Variants in UNC5D observed in about 807,000 individuals in gnomAD.
The protein encoded by UNC5D is netrin receptor UNC5D.
In UNC5D, 39 loss-of-function variants were observed where a neutral mutation model predicts 105.4. The observed-to-expected ratio is 0.37, with a 90% confidence interval of 0.29 to 0.48. UNC5D has a LOEUF of 0.48. Among genes scored for constraint, UNC5D ranks in the 20% least tolerant of loss-of-function variants. The pLI is 0.98. For synonymous variants in UNC5D, 452 were observed against 450.4 expected (o/e 1.00, Z -0.04); for missense variants, 991 against 1,202.4 (o/e 0.82, Z 2.60).
chr8:35,766,170 T>C (rs1801756701), intron 14 of UNC5D, among the ~76,000 whole-genome samples: 1 of 152,170 alleles, frequency 6.6e-6, no homozygotes, highest in Non-Finnish European at 1.5e-5. Flanking sequence ...GGGGACTGAA[T>C]CTGTTCTTGT....
chr8:35,555,834 CAA>C (rs201702783), intron 2 of UNC5D, among the ~76,000 whole-genome samples: 2 of 107,952 alleles, frequency 1.9e-5, no homozygotes, highest in African/African-American at 3.0e-5. Flanking sequence ...CAAAAAAATA[CAA>C]AAAAAAAAAG....
In UNC5D at chr8:35,449,565, A is replaced by G. The variant is rs540644677; in HGVS notation, c.104-99727A>G. Among the ~76,000 whole-genome samples, 16 of 152,260 alleles carry G rather than the reference A, an allele frequency of 1.1e-4. 2 individuals are homozygous for G. In the South Asian group the frequency reaches 3.1e-3, roughly 30 times the overall value. On this transcript the variant is annotated intron_variant, in intron 1 of 16. Transcript: ENST00000404895. Reference sequence around the variant, plus strand: ...ACAATAAGCCAAAACAATAAGCACAACAGATTTGGTTCTTGCCGCCATGGA... The same window carrying G: ...ACAATAAGCCAAAACAATAAGCACAGCAGATTTGGTTCTTGCCGCCATGGA...
At chr8:35,256,964 T>TG (rs34706793) in intron 1 of UNC5D, among the ~76,000 whole-genome samples, 61,355 of 146,150 alleles carry the variant, frequency 0.42, 12,927 homozygotes, top group East Asian at 0.69. Flanking sequence ...TTTTTGTTTT[T>TG]TTTTTTTTTT....
At chr8:35,704,082 A>G (rs1463676975) in intron 7 of UNC5D, among the ~76,000 whole-genome samples, 1 of 152,218 alleles carries the variant, frequency 6.6e-6, no homozygotes, top group African/African-American at 2.4e-5. Flanking sequence ...AAATCTGACT[A>G]TGATCATATC....
intron 11 of UNC5D, among the ~76,000 whole-genome samples, chr8:35,746,951 C>G (rs1220577824): frequency 3.3e-5 from 5 of 152,092 alleles, no homozygotes; most frequent in East Asian, 1.9e-4. Context: ...GTATGTTATT[C>G]TAGGCTTTCC....
intron 1 of UNC5D, among the ~76,000 whole-genome samples, chr8:35,303,341 A>G (rs996607979): frequency 3.9e-5 from 6 of 152,148 alleles, no homozygotes; most frequent in Admixed American, 3.3e-4. Flanking sequence ...AATTTTATTT[A>G]ATTGAAACAG....
chr8:35,397,138 T>C, intron 1 of UNC5D, among the ~76,000 whole-genome samples: 1 of 152,140 alleles, frequency 6.6e-6, no homozygotes, highest in African/African-American at 2.4e-5. Flanking sequence ...ACTCCTGACC[T>C]CAGGTGATGT....
intron 1 of UNC5D, among the ~76,000 whole-genome samples, chr8:35,247,078 C>A (rs1803152077): frequency 6.6e-6 from 1 of 151,946 alleles, no homozygotes; most frequent in Admixed American, 6.6e-5. Flanking sequence ...GAATCCAGGT[C>A]TTCATTTTCT....
intron 1 of UNC5D, among the ~76,000 whole-genome samples, chr8:35,408,831 A>G (rs919886693): frequency 4.6e-5 from 7 of 152,048 alleles, no homozygotes; most frequent in Admixed American, 1.3e-4. Flanking sequence ...CAAACAGTAA[A>G]GCATATAGCT....
intron 1 of UNC5D, among the ~76,000 whole-genome samples, chr8:35,487,565 G>C (rs533371672): frequency 3.3e-4 from 39 of 117,492 alleles, no homozygotes; most frequent in Non-Finnish European, 4.9e-4. Flanking sequence ...CTCTCTCTCT[G>C]TACACACACA....
intron 1 of UNC5D, among the ~76,000 whole-genome samples, chr8:35,505,014 C>T (rs1207261970): frequency 1.3e-5 from 2 of 152,154 alleles, no homozygotes; most frequent in East Asian, 1.9e-4. Context: ...AAATTACTTG[C>T]AAACACTAAA....
chr8:35,447,628 G>A (rs1471243828), intron 1 of UNC5D, among the ~76,000 whole-genome samples: 4 of 152,064 alleles, frequency 2.6e-5, no homozygotes, highest in Admixed American at 6.6e-5. Context: ...CTAAAAATCT[G>A]CCTGGCAGAC....
At chr8:35,494,170 C>T (rs569866823) in intron 1 of UNC5D, among the ~76,000 whole-genome samples, 1 of 152,140 alleles carries the variant, frequency 6.6e-6, no homozygotes, top group South Asian at 2.1e-4. Context: ...TACAAACTAC[C>T]TTTTCTGTGA....
intron 1 of UNC5D, among the ~76,000 whole-genome samples, chr8:35,369,189 A>T (rs1278209578): frequency 6.6e-6 from 1 of 152,176 alleles, no homozygotes; most frequent in African/African-American, 2.4e-5. Context: ...TAAATCACCT[A>T]TCTCTCAGGT....
At chr8:35,677,282 A>G (rs1364537973) in intron 4 of UNC5D, among the ~76,000 whole-genome samples, 1 of 152,196 alleles carries the variant, frequency 6.6e-6, no homozygotes, top group African/African-American at 2.4e-5. Context: ...CTAAAAAGAC[A>G]GAAAATGCCA....
At chr8:35,761,018 C>A (rs1462172667) in intron 14 of UNC5D, among the ~76,000 whole-genome samples, 2 of 152,158 alleles carry the variant, frequency 1.3e-5, no homozygotes, top group East Asian at 3.9e-4. Flanking sequence ...ACACAACCAT[C>A]TCTCATTCCC....
chr8:35,638,368 C>T (rs1158934814), intron 4 of UNC5D, among the ~76,000 whole-genome samples: 1 of 152,096 alleles, frequency 6.6e-6, no homozygotes, highest in East Asian at 1.9e-4. Flanking sequence ...AAGTATCTGG[C>T]ACAAATTAAT....
chr8:35,450,057 G>A (rs959979403), intron 1 of UNC5D, among the ~76,000 whole-genome samples: 2 of 152,030 alleles, frequency 1.3e-5, no homozygotes, highest in Admixed American at 6.6e-5. Context: ...TATTATTCTG[G>A]AACTATTCAG....
chr8:35,510,310 C>CAAAA (rs11317897), intron 1 of UNC5D, among the ~76,000 whole-genome samples: 6 of 71,832 alleles, frequency 8.4e-5, no homozygotes, highest in Non-Finnish European at 1.2e-4. Context: ...TTTTTATATC[C>CAAAA]AAAAAAAAAA....
Sources: allele counts gnomAD v4.1 joint callset (sites outside exome capture counted in the v4.1 genomes callset), GRCh38; gene constraint gnomAD v4.1.1; transcripts MANE v1.5; gene names NCBI Gene and HGNC (gene_info 2026-07-23, HGNC 2026-07-21).